Variants in LRCH1 observed in about 807,000 individuals in gnomAD.
LRCH1 encodes leucine rich repeats and calponin homology domain containing 1, also known as leucine-rich repeat and calponin homology domain-containing protein 1.
Under a neutral mutation model 94.9 loss-of-function variants are expected in LRCH1, and 23 were observed. The ratio of observed to expected loss-of-function variants is 0.24; its 90% confidence interval spans 0.17 to 0.34. LRCH1 has a LOEUF of 0.34. LRCH1 is among the 10% of genes least tolerant of loss of function. LRCH1 has a pLI of 1.00. For missense variants in LRCH1, 790 were observed against 945.9 expected, an observed-to-expected ratio of 0.84 and a Z score of 2.16; for synonymous variants, 364 against 354.9, an observed-to-expected ratio of 1.03 and a Z score of -0.29.
chr13:46,564,065 G>C (rs568883884), intron 1 of LRCH1, among the ~76,000 whole-genome samples: 2 of 152,292 alleles, frequency 1.3e-5, no homozygotes, highest in East Asian at 3.9e-4. Flanking sequence ...AACCTGGGGA[G>C]AATAAGATAA....
chr13:46,575,400 G>A (rs2050292268), intron 1 of LRCH1, among the ~76,000 whole-genome samples: 1 of 152,178 alleles, frequency 6.6e-6, no homozygotes, highest in African/African-American at 2.4e-5. Context: ...TGACTCTGGT[G>A]ATAGAACTGG....
chr13:46,593,744 A>G (rs1371867035), intron 1 of LRCH1, among the ~76,000 whole-genome samples: 1 of 152,132 alleles, frequency 6.6e-6, no homozygotes, highest in East Asian at 1.9e-4. Context: ...TGCCACCACT[A>G]CATCCATTCC....
chr13:46,582,490 T>TG (rs374945972), intron 1 of LRCH1, among the ~76,000 whole-genome samples: 2,994 of 16,446 alleles, frequency 0.18, 125 homozygotes, highest in African/African-American at 0.37. Context: ...GAACATATTG[T>TG]TTTTTTTTTT....
chr13:46,723,310 C>G lies in LRCH1; in HGVS notation c.1849C>G (p.Leu617Val). 1 of 1,611,730 alleles carries G rather than the reference C, an allele frequency of 6.2e-7. No homozygotes were observed. Residue 617 changes from leucine to valine, a missense_variant, in exon 17 of 20, where the codon CTG becomes GTG. Leu to Val is a conservative substitution (Grantham distance 32, BLOSUM62 1). Around this residue, in one of 3 missense-constraint regions of LRCH1, gnomAD observed 460 missense variants for 508.9 expected, o/e 0.90. Transcript: ENST00000389797. ...KMEQMREEKELVEQLRESIEM... is the reference protein window; with the variant it reads ...KMEQMREEKEVVEQLRESIEM... ...GGAGCAGATGAGAGAAGAGAAAGAGCTGGTGGAACAACTTCGTGAGGTACC... is the reference window on the plus strand; with the variant it reads ...GGAGCAGATGAGAGAAGAGAAAGAGGTGGTGGAACAACTTCGTGAGGTACC...
chr13:46,741,598 G>A (rs1413996235), intron 19 of LRCH1, 44 bp from the exon 20 acceptor site: 1 of 1,612,314 alleles, frequency 6.2e-7, no homozygotes, highest in Non-Finnish European at 8.5e-7. Flanking sequence ...ATTTTTAATT[G>A]TATGCACTGT....
chr13:46,635,443 T>C (rs1040759655), intron 1 of LRCH1, among the ~76,000 whole-genome samples: 2 of 150,334 alleles, frequency 1.3e-5, no homozygotes, highest in African/African-American at 2.5e-5. Context: ...CACCCTCCAC[T>C]TGAAAGATCC....
chr13:46,719,127 T>C (rs1298333294), intron 16 of LRCH1, among the ~76,000 whole-genome samples: 1 of 44,698 alleles, frequency 2.2e-5, no homozygotes. Context: ...AAAATCTCTT[T>C]GCTTTCATAT....
At position 46,604,671 on chromosome 13, in the gene LRCH1, T is replaced by C. The variant is rs2050668529; in HGVS notation, c.308-45530T>C. ...AGGTTTATCCTTTTGTTTCTTTTTTTATTATCCAAGGAATGAGATATGCCA... is the reference window on the plus strand; with the variant it reads ...AGGTTTATCCTTTTGTTTCTTTTTTCATTATCCAAGGAATGAGATATGCCA... On this transcript the variant is annotated intron_variant, in intron 1 of 19. Coordinates refer to ENST00000389797, the MANE Select transcript of LRCH1 (RefSeq NM_001164211.2). 2.0e-5 allele frequency among the ~76,000 whole-genome samples: 3 copies of C among 152,236 alleles called. 1 individual carries two copies. The highest frequency in any genetic ancestry group is 6.5e-5 in the Admixed American group (1 of 15,290).
intron 19 of LRCH1, 123 bp from the exon 20 acceptor site, chr13:46,741,519 A>G: frequency 1.8e-6 from 2 of 1,092,688 alleles, no homozygotes. Flanking sequence ...CCTGCTTGAA[A>G]TAAGGGGTTA....
intron 1 of LRCH1, among the ~76,000 whole-genome samples, chr13:46,649,588 A>G (rs1250832284): frequency 6.6e-6 from 1 of 152,172 alleles, no homozygotes; most frequent in Non-Finnish European, 1.5e-5. Flanking sequence ...TATATATTAT[A>G]GGCTCTCAGT....
Position 46,741,782 on chromosome 13 carries a change from T to C in LRCH1, c.2226T>C (p.Cys742=). 6.2e-7 allele frequency: 1 copy of C among 1,614,184 alleles called. No individual in the cohort carries two copies. Among genetic ancestry groups the C allele is most frequent in the African/African-American group, 1.3e-5 (1 of 75,046 alleles). Residue 742 remains cysteine, a synonymous_variant, in exon 20 of 20, where the codon TGT becomes TGC. Coordinates refer to ENST00000389797, the MANE Select transcript of LRCH1 (RefSeq NM_001164211.2). ...ALRSRDLIGF[C]LVHILFIVLV... ...GCTCCAGGGACCTTATAGGCTTCTG[T>C]CTTGTCCATATTCTCTTTATAGTGC...
chr13:46,699,342 G>A lies in LRCH1; in HGVS notation c.1252G>A (p.Ala418Thr). The A allele has an allele frequency of 1.2e-6, 2 of 1,613,902 alleles. No homozygotes were observed. Among genetic ancestry groups the A allele is most frequent in the Non-Finnish European group, 1.7e-6 (2 of 1,179,804 alleles). Residue 418 changes from alanine to threonine, a missense_variant, in exon 10 of 20, where the codon GCA (alanine) becomes ACA (threonine). Coordinates refer to ENST00000389797, the MANE Select transcript of LRCH1 (RefSeq NM_001164211.2). ...HSEFMNYKAR[A>T]EDCEELLRIE... ...CTGTGTGTTTTGTCCACAGGCAAGG[G>A]CAGAAGACTGTGAAGAGCTGTTACG...
chr13:46,585,565 A>AC (rs1191413397), intron 1 of LRCH1, among the ~76,000 whole-genome samples: 1 of 149,712 alleles, frequency 6.7e-6, no homozygotes, highest in Non-Finnish European at 1.5e-5. Flanking sequence ...AAAAAAAAAA[A>AC]AAAAAACAAA....
In LRCH1 at chr13:46,685,897, T is replaced by G; in HGVS notation, c.686-8T>G. ...TTCTTTCTTTTTTTCTTTTTTCTAT[T>G]ATTTTAGAACTAGTAGATCTTTCCT... On this transcript the variant is annotated splice_polypyrimidine_tract_variant and splice_region_variant and intron_variant, in intron 4 of 19. Transcript: ENST00000389797. 6.5e-7 allele frequency: 1 copy of G among 1,529,244 alleles called. No homozygotes were observed. The highest frequency in any genetic ancestry group is 8.8e-7 in the Non-Finnish European group (1 of 1,139,692). 94.7% of individuals were successfully genotyped at this position (1,529,244 alleles called of 1,614,324 possible).
intron 19 of LRCH1, among the ~76,000 whole-genome samples, chr13:46,739,141 A>C (rs934658821): frequency 4.6e-5 from 7 of 152,214 alleles, no homozygotes; most frequent in Non-Finnish European, 1.0e-4. Context: ...TAGCTCTTAG[A>C]ATTTAGACTG....
rs1472198651 is a variant in LRCH1 at position 46,611,039 on chromosome 13, A to G, written c.308-39162A>G. 2.0e-5 allele frequency among the ~76,000 whole-genome samples: 3 copies of G among 152,318 alleles called. No homozygotes were observed. The East Asian group carries it at 5.8e-4, about 29-fold the overall frequency. On this transcript the variant is annotated intron_variant, in intron 1 of 19. Coordinates refer to ENST00000389797, the MANE Select transcript of LRCH1 (RefSeq NM_001164211.2). ...TGCAACCAAAGTTAGAAACAGCTCTAGAGGTGCTGGGATCTAGGGGCCTTA... is the reference window on the plus strand; with the variant it reads ...TGCAACCAAAGTTAGAAACAGCTCTGGAGGTGCTGGGATCTAGGGGCCTTA...
At chr13:46,750,834 A>C (rs1437331646) in exon 19 of LRCH1, 3 of 473,632 alleles carry the variant, frequency 6.3e-6, no homozygotes, top group Non-Finnish European at 1.1e-5. Flanking sequence ...CTCCGACTTT[A>C]AGACTTGACA....
chr13:46,723,058 A>G (rs1038382698), intron 16 of LRCH1, among the ~76,000 whole-genome samples, 163 bp from the exon 17 acceptor site: 47 of 152,228 alleles, frequency 3.1e-4, no homozygotes, highest in African/African-American at 1.1e-3. Context: ...TGTCTCTTTT[A>G]AAATACTTGA....
At chr13:46,669,348 G>A (rs965239811) in intron 3 of LRCH1, among the ~76,000 whole-genome samples, 192 bp downstream of exon 3, 1 of 152,152 alleles carries the variant, frequency 6.6e-6, no homozygotes, top group Non-Finnish European at 1.5e-5. Context: ...ACAGTTCCTG[G>A]AATTTAAAGG....
Sources: allele counts gnomAD v4.1 joint callset (sites outside exome capture counted in the v4.1 genomes callset), GRCh38; gene constraint gnomAD v4.1.1; regional missense constraint gnomAD v4.1.1; transcripts MANE v1.5; gene names NCBI Gene and HGNC (gene_info 2026-07-23, HGNC 2026-07-21).